The following SCG3 variants were observed in gnomAD, a reference collection of about 807,000 sequenced individuals.
SCG3 encodes secretogranin-3.
Under a neutral mutation model 56.2 loss-of-function variants are expected in SCG3, and 38 were observed. The observed-to-expected ratio is 0.68, with a 90% confidence interval of 0.52 to 0.89. The LOEUF (loss-of-function observed/expected upper bound fraction) is 0.89, where lower values mean the gene tolerates loss of function less well. Ranked by LOEUF, SCG3 falls within the 40% of genes least tolerant of loss-of-function variation. The pLI is 0.00. For missense variants in SCG3, 524 were observed against 540.7 expected (o/e 0.97, Z 0.31); for synonymous variants, 176 against 184.2 (o/e 0.96, Z 0.36).
chr15:51,706,303 T>C (rs1346538794), intron 10 of SCG3, among the ~76,000 whole-genome samples: 2 of 152,152 alleles, frequency 1.3e-5, no homozygotes, highest in Non-Finnish European at 1.5e-5. Flanking sequence ...AGAAGGAATA[T>C]AAGAACCAAT....
rs533776490 is a variant in SCG3, at chr15:51,696,488, T to C, written c.985+497T>C. ...TCACTTTGGGCCCAGGAGGCTGAGGTTGCAGTGAGCCAAGATAGGGCCATG... is the reference window on the plus strand; with the variant it reads ...TCACTTTGGGCCCAGGAGGCTGAGGCTGCAGTGAGCCAAGATAGGGCCATG... On this transcript the variant is annotated intron_variant, in intron 8 of 11. Transcript: ENST00000220478. Among the ~76,000 whole-genome samples the C allele has an allele frequency of 4.6e-5, 7 of 152,112 alleles. No homozygotes were observed. The South Asian group carries it at 1.5e-3, about 32-fold the overall frequency.
rs1181877500 is a variant in SCG3, at chr15:51,720,347, T to C, written c.*821T>C. The stretch of plus-strand genomic sequence containing the variant: ...CCAGGCAGTAAGGTAGAAATAGAGA[T>C]AAAAATCATTCCTTCCTTGTGATCC... On this transcript the variant is annotated 3_prime_UTR_variant, in exon 12 of 12. Coordinates refer to ENST00000220478, the MANE Select transcript of SCG3 (RefSeq NM_013243.4). 3 of 152,170 alleles carry C rather than the reference T, an allele frequency of 2.0e-5. No individual in the cohort carries two copies. Among genetic ancestry groups the C allele is most frequent in the Non-Finnish European group, 2.9e-5 (2 of 68,030 alleles). The allele number at this position is 152,170 out of a possible 1,614,324, so 9.4% of individuals were successfully genotyped here.
At chr15:51,715,974 C>T (rs368898976) in intron 11 of SCG3, among the ~76,000 whole-genome samples, 21 of 152,228 alleles carry the variant, frequency 1.4e-4, no homozygotes, top group South Asian at 2.1e-4. Flanking sequence ...TCTCCTGCTT[C>T]GGCCTCCCAA....
At chr15:51,685,751 G>A (rs1214202784) in intron 4 of SCG3, among the ~76,000 whole-genome samples, 1 of 152,194 alleles carries the variant, frequency 6.6e-6, no homozygotes, top group Non-Finnish European at 1.5e-5. Context: ...TTCCAAACAG[G>A]CTTGTACTAT....
chr15:51,719,443 A>G lies in SCG3; in HGVS notation c.1324A>G (p.Lys442Glu). ...DLSKMRDFINKQADAYVEKGI... is the reference protein window; with the variant it reads ...DLSKMRDFINEQADAYVEKGI... ...TTCAAAGATGAGAGACTTCATCAAT[A>G]AACAAGCTGATGCTTATGTGGAGAA... Residue 442 changes from lysine to glutamate, a missense_variant, in exon 12 of 12, where the codon AAA becomes GAA. Coordinates refer to ENST00000220478, the MANE Select transcript of SCG3 (RefSeq NM_013243.4). The G allele has an allele frequency of 6.2e-7, 1 of 1,614,084 alleles. No individual in the cohort carries two copies. Among genetic ancestry groups the G allele is most frequent in the Admixed American group, 1.7e-5 (1 of 60,026 alleles).
chr15:51,719,087 G>T (rs557953845), intron 11 of SCG3, among the ~76,000 whole-genome samples: 2 of 152,118 alleles, frequency 1.3e-5, no homozygotes, highest in South Asian at 2.1e-4. Context: ...CTTCCCAATA[G>T]CCCCAGGTGT....
chr15:51,716,149 G>A (rs999642216), intron 11 of SCG3, among the ~76,000 whole-genome samples: 2 of 152,296 alleles, frequency 1.3e-5, no homozygotes, highest in Non-Finnish European at 2.9e-5. Context: ...GAGCCACCGC[G>A]CCCAGCAAGG....
chr15:51,720,335 T>C lies in SCG3; in HGVS notation c.*809T>C, dbSNP rs1216056863. The C allele has an allele frequency of 1.3e-5, 2 of 152,150 alleles. No individual in the cohort carries two copies. The highest frequency in any genetic ancestry group is 4.8e-5 in the African/African-American group (2 of 41,446). 9.4% of individuals were successfully genotyped at this position (152,150 alleles called of 1,614,324 possible). A position where few individuals can be genotyped will look rare whatever the true frequency, so the allele number is the denominator to read the frequency against. The stretch of plus-strand genomic sequence containing the variant: ...GAGAGCAAAGGGCCAGGCAGTAAGG[T>C]AGAAATAGAGATAAAAATCATTCCT... On this transcript the variant is annotated 3_prime_UTR_variant, in exon 12 of 12. Transcript: ENST00000220478.
intron 6 of SCG3, among the ~76,000 whole-genome samples, chr15:51,690,309 G>A (rs914213476): frequency 6.6e-6 from 1 of 152,098 alleles, no homozygotes; most frequent in African/African-American, 2.4e-5. Flanking sequence ...AAGCTGTTGA[G>A]ATCTTTCTCC....
intron 10 of SCG3, among the ~76,000 whole-genome samples, chr15:51,709,417 T>C (rs2055397396): frequency 6.6e-6 from 1 of 152,020 alleles, no homozygotes. Flanking sequence ...GGGCATGTCA[T>C]TTAACCTCTC....
Position 51,689,215 on chromosome 15 carries a change from A to G in SCG3, c.541-4A>G, listed in dbSNP as rs2305717. On this transcript the variant is annotated splice_region_variant and splice_polypyrimidine_tract_variant and intron_variant, in intron 5 of 11. Transcript: ENST00000220478. Reference sequence around the variant, plus strand: ...GTTATATATGTTTTGCCTTTTTATGATAGATCACAGAAAGCCAAGCACATA... The same window carrying G: ...GTTATATATGTTTTGCCTTTTTATGGTAGATCACAGAAAGCCAAGCACATA... The G allele has an allele frequency of 9.2e-4, 1,482 of 1,613,436 alleles. 39 individuals carry two copies. The East Asian group carries it at 0.033, about 36-fold the overall frequency.
Position 51,681,677 on chromosome 15 carries a change from C to G in SCG3, c.-79C>G, listed in dbSNP as rs1479723641. The stretch of plus-strand genomic sequence containing the variant: ...ACCCTCCTGGCTCTTCCTGTTTTTA[C>G]TCCTCCTTTTCATTCATAACAAAAG... On this transcript the variant is annotated 5_prime_UTR_variant, in exon 1 of 12. Coordinates refer to ENST00000220478, the MANE Select transcript of SCG3 (RefSeq NM_013243.4). The G allele has an allele frequency of 1.8e-6, 1 of 558,436 alleles. No individual in the cohort carries two copies. Among genetic ancestry groups the G allele is most frequent in the African/African-American group, 2.0e-5 (1 of 51,154 alleles). 34.6% of individuals were successfully genotyped at this position (558,436 alleles called of 1,614,324 possible).
intron 10 of SCG3, among the ~76,000 whole-genome samples, chr15:51,709,752 G>C (rs1428937548): frequency 1.1e-5 from 1 of 93,308 alleles, no homozygotes; most frequent in East Asian, 3.5e-4. Context: ...ACAGAGTCTC[G>C]CTCTGTCGCC....
chr15:51,715,690 G>A (rs1213187074), intron 11 of SCG3, among the ~76,000 whole-genome samples: 1 of 152,132 alleles, frequency 6.6e-6, no homozygotes, highest in South Asian at 2.1e-4. Context: ...GGGCAGAGTT[G>A]GCATTAGACC....
chr15:51,701,124 C>T lies in SCG3; in HGVS notation c.1087C>T (p.His363Tyr), dbSNP rs765984278. ...KLFPAPSEKS[H>Y]EETDSTKEEA... is the part of the protein sequence containing the mutation. ...GATTACAGCACCATCAGAGAAGAGT[C>T]ATGAAGAAACAGACAGTACCAAGGA... is the stretch of plus-strand genomic sequence containing the variant. The change falls in exon 10 of 12, where the codon CAT becomes TAT. Residue 363 changes from histidine (H) to tyrosine (Y), a missense_variant. His to Tyr is a moderately conservative substitution (Grantham distance 83). Transcript: ENST00000220478. The T allele has an allele frequency of 1.2e-6, 2 of 1,613,786 alleles. No homozygotes were observed. Among genetic ancestry groups the T allele is most frequent in the East Asian group, 4.5e-5 (2 of 44,846 alleles).
At chr15:51,701,327 C>A (rs767319710) in intron 10 of SCG3, 83 bp downstream of exon 10, 1 of 1,366,732 alleles carries the variant, frequency 7.3e-7, no homozygotes, top group African/African-American at 1.5e-5. Context: ...ATCCAAAGAG[C>A]AAGCTCCATC....
At chr15:51,704,619 T>G (rs1300553007) in intron 10 of SCG3, among the ~76,000 whole-genome samples, 2 of 151,286 alleles carry the variant, frequency 1.3e-5, no homozygotes, top group East Asian at 3.9e-4. Flanking sequence ...TCCTCAATGT[T>G]CATCCATGTT....
intron 4 of SCG3, 132 bp downstream of exon 4, chr15:51,683,566 G>A (rs1055410665): frequency 1.9e-5 from 11 of 565,184 alleles, no homozygotes; most frequent in Admixed American, 1.8e-4. Context: ...TTGAGATAAA[G>A]CATATATTTA....
chr15:51,709,392 T>A (rs2055397102), intron 10 of SCG3, among the ~76,000 whole-genome samples: 1 of 152,014 alleles, frequency 6.6e-6, no homozygotes, highest in South Asian at 2.1e-4. Flanking sequence ...GACCCTTACT[T>A]AGCTATGTCG....
Sources: gnomAD v4.1 joint callset for allele counts (sites outside exome capture counted in the v4.1 genomes callset) on GRCh38, gnomAD v4.1.1 for gene constraint, MANE v1.5 for transcripts, NCBI Gene and HGNC (gene_info 2026-07-23, HGNC 2026-07-21) for gene names.